Variants in ITGAV observed in about 807,000 individuals in gnomAD.
ITGAV encodes integrin subunit alpha V.
Under a neutral mutation model 143.8 loss-of-function variants are expected in ITGAV, and 76 were observed. The ratio of observed to expected loss-of-function variants is 0.53; its 90% confidence interval spans 0.44 to 0.64. The LOEUF (loss-of-function observed/expected upper bound fraction) is 0.64. ITGAV is among the 30% of genes least tolerant of loss of function. The pLI is 0.00. For synonymous variants in ITGAV, 453 were observed against 446.7 expected (o/e 1.01, Z -0.18); for missense variants, 1,193 against 1,274.7 (o/e 0.94, Z 0.98).
intron 26 of ITGAV, among the ~76,000 whole-genome samples, chr2:186,674,003 T>C (rs1366344858): frequency 6.6e-6 from 1 of 152,146 alleles, no homozygotes; most frequent in African/African-American, 2.4e-5. Context: ...AGACAGGGTC[T>C]TATTCTCTCA....
rs1574493636 is a variant in ITGAV, at chr2:186,654,994, C to T, written c.1564+286C>T. 2.6e-5 allele frequency among the ~76,000 whole-genome samples: 4 copies of T among 152,144 alleles called. No individual in the cohort carries two copies. The Middle Eastern group carries it at 0.01, about 388-fold the overall frequency. ...GCAGTTACGAATGTGACATAATGAA[C>T]TCTGGGGAAATATGAATATTATGGT... On this transcript the variant is annotated intron_variant, in intron 16 of 29. Transcript: ENST00000261023.
chr2:186,627,834 T>G (rs977079771), intron 4 of ITGAV, among the ~76,000 whole-genome samples: 7 of 152,184 alleles, frequency 4.6e-5, no homozygotes, highest in Non-Finnish European at 4.4e-5. Flanking sequence ...AGGAAAAGCT[T>G]AAAGAACAGT....
chr2:186,646,768 C>G lies in ITGAV; in HGVS notation c.1242C>G (p.Asn414Lys). ...YIFNGRSTGLNAVPSQILEGQ... is the reference protein window; with the variant it reads ...YIFNGRSTGLKAVPSQILEGQ... ...TCAATGGAAGATCAACAGGCTTGAA[C>G]GCAGTCCCATCTCAAATCCTTGAAG... Residue 414 changes from asparagine (N) to lysine (K), a missense_variant, in exon 13 of 30, where the codon AAC becomes AAG. Coordinates refer to ENST00000261023, the MANE Select transcript of ITGAV (RefSeq NM_002210.5). 1 of 1,613,054 alleles carries G rather than the reference C, an allele frequency of 6.2e-7. No homozygotes were observed. Among genetic ancestry groups the G allele is most frequent in the Non-Finnish European group, 8.5e-7 (1 of 1,179,354 alleles).
chr2:186,642,061 A>G (rs188567583), intron 12 of ITGAV, among the ~76,000 whole-genome samples: 179 of 152,350 alleles, frequency 1.2e-3, no homozygotes, highest in African/African-American at 4.1e-3. Context: ...GCTGTCCAAA[A>G]TGTTCTAAGG....
chr2:186,642,992 CCA>C (rs1170639031), intron 12 of ITGAV, among the ~76,000 whole-genome samples: 2 of 152,128 alleles, frequency 1.3e-5, no homozygotes, highest in East Asian at 3.8e-4. Flanking sequence ...ATATAACAGA[CCA>C]AATCATTACT....
At chr2:186,597,051 T>C (rs1241748149) in intron 1 of ITGAV, among the ~76,000 whole-genome samples, 5 of 152,242 alleles carry the variant, frequency 3.3e-5, no homozygotes, top group Non-Finnish European at 7.3e-5. Context: ...GAAAACTTAA[T>C]GAACATCCAT....
At chr2:186,664,680 C>G (rs766479951) in intron 20 of ITGAV, 39 bp downstream of exon 20, 3 of 1,612,072 alleles carry the variant, frequency 1.9e-6, no homozygotes, top group Non-Finnish European at 2.5e-6. Flanking sequence ...AATGCACTCA[C>G]GGATCTTATT....
chr2:186,591,510 T>C (rs1177209406), intron 1 of ITGAV, among the ~76,000 whole-genome samples: 2 of 152,226 alleles, frequency 1.3e-5, no homozygotes, highest in Non-Finnish European at 2.9e-5. Flanking sequence ...TTAGACCTTG[T>C]AACAACATAT....
rs190748432 is a variant in ITGAV, at chr2:186,621,781, A to G, written c.317-558A>G. Among the ~76,000 whole-genome samples, 196 of 152,232 alleles carry G rather than the reference A, an allele frequency of 1.3e-3. 1 individual carries two copies. The highest frequency in any genetic ancestry group is 4.5e-3 in the African/African-American group (188 of 41,546). ...ACTGGAATTTTAGTGTACAGAAATA[A>G]TTTTCTCAATAGTGAGGGCTGAAGT... On this transcript the variant is annotated intron_variant, in intron 2 of 29. Coordinates refer to ENST00000261023, the MANE Select transcript of ITGAV (RefSeq NM_002210.5).
intron 2 of ITGAV, among the ~76,000 whole-genome samples, chr2:186,620,217 A>G (rs1480859117): frequency 6.6e-6 from 1 of 152,166 alleles, no homozygotes. Context: ...ATTTTCCACC[A>G]TAATTGCTTG....
rs561028804 is a variant in ITGAV at position 186,677,999 on chromosome 2, C to G, written c.*707C>G. 2 of 152,176 alleles carry G rather than the reference C, an allele frequency of 1.3e-5. No homozygotes were observed. Among genetic ancestry groups the G allele is most frequent in the African/African-American group, 4.8e-5 (2 of 41,538 alleles). 9.4% of individuals were successfully genotyped at this position (152,176 alleles called of 1,614,324 possible). ...TTTAGGTCAAATCCTTCAAGCCAAC[C>G]TATACTAAAAATTAGTTCCATAATC... On this transcript the variant is annotated 3_prime_UTR_variant, in exon 30 of 30. Coordinates refer to ENST00000261023, the MANE Select transcript of ITGAV (RefSeq NM_002210.5).
At chr2:186,622,471 G>T (rs1687556123) in intron 3 of ITGAV, 41 bp downstream of exon 3, 1 of 1,294,874 alleles carries the variant, frequency 7.7e-7, no homozygotes, top group Non-Finnish European at 1.1e-6. Flanking sequence ...ATTTTAGTCA[G>T]TTTATGTGGA....
At chr2:186,594,896 G>A (rs1686705540) in intron 1 of ITGAV, among the ~76,000 whole-genome samples, 1 of 151,958 alleles carries the variant, frequency 6.6e-6, no homozygotes, top group African/African-American at 2.4e-5. Flanking sequence ...ATAAAACTAG[G>A]CTATAATTTT....
intron 14 of ITGAV, 92 bp from the exon 15 acceptor site, chr2:186,651,890 T>C: frequency 1.5e-6 from 1 of 659,662 alleles, no homozygotes; most frequent in Admixed American, 2.6e-5. Flanking sequence ...GACATGGTAC[T>C]ATATATGTAG....
chr2:186,667,107 G>A (rs750593195), intron 22 of ITGAV, 43 bp from the exon 23 acceptor site: 3 of 1,472,328 alleles, frequency 2.0e-6, no homozygotes, highest in South Asian at 2.4e-5. Flanking sequence ...GTTCTTGGTT[G>A]TTATGCATAA....
chr2:186,612,930 CCT>C (rs1157428570), intron 2 of ITGAV, among the ~76,000 whole-genome samples: 1 of 152,080 alleles, frequency 6.6e-6, no homozygotes, highest in Non-Finnish European at 1.5e-5. Flanking sequence ...TCTGTTATCC[CCT>C]GTTACAGAAT....
Position 186,618,541 on chromosome 2 carries a change from T to A in ITGAV, c.317-3798T>A, listed in dbSNP as rs558765066. 2.0e-5 allele frequency among the ~76,000 whole-genome samples: 3 copies of A among 152,368 alleles called. No homozygotes were observed. In the East Asian group the frequency reaches 5.8e-4, roughly 29 times the overall value. On this transcript the variant is annotated intron_variant, in intron 2 of 29. Coordinates refer to ENST00000261023, the MANE Select transcript of ITGAV (RefSeq NM_002210.5). ...GAAATAGGAAACAGAACATGGTAGC[T>A]TTGCAAGCCTATGCTGCTTGACAGT... is the stretch of plus-strand genomic sequence containing the variant.
intron 17 of ITGAV, among the ~76,000 whole-genome samples, chr2:186,657,335 A>G (rs1161803784): frequency 6.6e-6 from 1 of 152,234 alleles, no homozygotes; most frequent in Non-Finnish European, 1.5e-5. Flanking sequence ...CAACTAAAGA[A>G]TATGAAAACT....
chr2:186,645,958 C>T (rs940182750), intron 12 of ITGAV, among the ~76,000 whole-genome samples: 4 of 151,786 alleles, frequency 2.6e-5, no homozygotes, highest in African/African-American at 7.3e-5. Flanking sequence ...GGGAAAAGAG[C>T]GGGACTCTGT....
Sources: allele counts gnomAD v4.1 joint callset (sites outside exome capture counted in the v4.1 genomes callset), GRCh38; gene constraint gnomAD v4.1.1; transcripts MANE v1.5; gene names NCBI Gene and HGNC (gene_info 2026-07-23, HGNC 2026-07-21).